Variants in DPYSL5 observed in about 807,000 individuals in gnomAD.
The protein encoded by DPYSL5 is dihydropyrimidinase like 5, also known as dihydropyrimidinase-related protein 5.
In DPYSL5, 9 loss-of-function variants were observed where a neutral mutation model predicts 58.4. That is an observed-to-expected ratio of 0.15 (90% CI 0.09 to 0.27). The LOEUF (loss-of-function observed/expected upper bound fraction) is 0.27. DPYSL5 is among the 10% of genes least tolerant of loss of function. The pLI is 1.00. For missense variants in DPYSL5, 499 were observed against 770.6 expected, an observed-to-expected ratio of 0.65 and a Z score of 4.17; for synonymous variants, 293 against 301.9, an observed-to-expected ratio of 0.97 and a Z score of 0.31.
rs916856911 is a variant in DPYSL5, at chr2:26,934,658, G to A, written c.871G>A (p.Ala291Thr). 4.3e-6 allele frequency: 7 copies of A among 1,614,110 alleles called. No homozygotes were observed. The highest frequency in any genetic ancestry group is 1.7e-5 in the Admixed American group (1 of 60,024). Reference sequence around the variant, plus strand: ...CTACTACCACCAGGACTGGTCCCACGCGGCTGCCTATGTCACGGTGCCTCC... The same window carrying A: ...CTACTACCACCAGGACTGGTCCCACACGGCTGCCTATGTCACGGTGCCTCC... Reference protein sequence around the residue: ...LHYYHQDWSHAAAYVTVPPLR... With the variant: ...LHYYHQDWSHTAAYVTVPPLR... Residue 291 changes from alanine to threonine, a missense_variant, in exon 8 of 13, where the codon GCG becomes ACG. Around this residue, in one of 3 missense-constraint regions of DPYSL5, gnomAD observed 404 missense variants for 647.6 expected, o/e 0.62. Transcript: ENST00000288699. This position sits in a 1 kb window ranked among gnomAD's most constrained non-coding sequence, Gnocchi z 4.3.
At chr2:26,937,791 C>A (rs930011949) in intron 8 of DPYSL5, among the ~76,000 whole-genome samples, 1 of 148,350 alleles carries the variant, frequency 6.7e-6, no homozygotes, top group Non-Finnish European at 1.5e-5. Flanking sequence ...GAGCCAGGGT[C>A]TCACTCTGTC....
chr2:26,883,690 C>T (rs1663632040), intron 1 of DPYSL5, among the ~76,000 whole-genome samples: 1 of 152,140 alleles, frequency 6.6e-6, no homozygotes, highest in Non-Finnish European at 1.5e-5. Flanking sequence ...TGAGCCACTG[C>T]ACCCAGCCTC....
intron 1 of DPYSL5, among the ~76,000 whole-genome samples, chr2:26,870,216 C>T (rs984073174): frequency 6.6e-6 from 1 of 152,086 alleles, no homozygotes; most frequent in Non-Finnish European, 1.5e-5. Context: ...TTTTTGGTAA[C>T]GTGTCTTTAT....
At position 26,924,969 on chromosome 2, in the gene DPYSL5, A is replaced by C; in HGVS notation, c.344A>C (p.Lys115Thr). The change falls in exon 3 of 13, where the codon AAG (lysine) becomes ACG (threonine). Residue 115 changes from lysine to threonine, a missense_variant. Coordinates refer to ENST00000288699, the MANE Select transcript of DPYSL5 (RefSeq NM_020134.4). This position sits in a 1 kb window ranked among gnomAD's most constrained non-coding sequence, Gnocchi z 4.7. ...KETSLVDAYE[K>T]CRGLADPKVC... ...ACCTCCCTTGTGGACGCTTATGAGA[A>C]GTGCCGAGGTCTGGCCGACCCCAAG... 6.2e-7 allele frequency: 1 copy of C among 1,614,160 alleles called. No homozygotes were observed. The highest frequency in any genetic ancestry group is 8.5e-7 in the Non-Finnish European group (1 of 1,180,012).
intron 1 of DPYSL5, among the ~76,000 whole-genome samples, chr2:26,887,301 G>T (rs1052460704): frequency 1.3e-5 from 2 of 152,142 alleles, no homozygotes; most frequent in Non-Finnish European, 2.9e-5. Context: ...ATGCAGGAAG[G>T]GTCCCCCTTG....
Position 26,924,090 on chromosome 2 carries a change from G to T in DPYSL5, c.262-797G>T, listed in dbSNP as rs1256014212. ...AAATTCACTTTTAAAAAGTTGAGTG[G>T]GGGAATCTCTAATACAGATTTAGTC... On this transcript the variant is annotated intron_variant, in intron 2 of 12. Transcript: ENST00000288699. The surrounding 1 kb of genome is among the most constrained non-coding windows in gnomAD (Gnocchi z 4.7). Among the ~76,000 whole-genome samples the T allele has an allele frequency of 1.3e-5, 2 of 152,162 alleles. No homozygotes were observed. Among genetic ancestry groups the T allele is most frequent in the Non-Finnish European group, 2.9e-5 (2 of 68,038 alleles).
chr2:26,872,417 C>T (rs1004557572), intron 1 of DPYSL5, among the ~76,000 whole-genome samples: 3 of 152,138 alleles, frequency 2.0e-5, no homozygotes, highest in Non-Finnish European at 4.4e-5. Flanking sequence ...ATGGGCCAGG[C>T]GCGGTGGCTC....
intron 4 of DPYSL5, 95 bp from the exon 5 acceptor site, chr2:26,928,160 G>T: frequency 1.6e-6 from 2 of 1,263,098 alleles, no homozygotes; most frequent in South Asian, 1.3e-5. Flanking sequence ...TGAAACAGGC[G>T]GTGTCTAGCA....
chr2:26,862,341 G>A (rs1008995079), intron 1 of DPYSL5, among the ~76,000 whole-genome samples: 10 of 152,180 alleles, frequency 6.6e-5, no homozygotes, highest in African/African-American at 1.2e-4. Context: ...CTTTCTTTTC[G>A]TGAATGTATC....
intron 2 of DPYSL5, among the ~76,000 whole-genome samples, chr2:26,919,031 G>A (rs572396631): frequency 1.2e-4 from 19 of 152,298 alleles, no homozygotes; most frequent in South Asian, 2.1e-4. Context: ...GGGCAGTCCT[G>A]TAGAAGATGG....
intron 1 of DPYSL5, among the ~76,000 whole-genome samples, chr2:26,882,457 ATGTG>A (rs1663598857): frequency 8.2e-6 from 1 of 121,532 alleles, no homozygotes; most frequent in East Asian, 2.3e-4. Context: ...GTGTGTGTGT[ATGTG>A]TGTGTAGACA....
At chr2:26,857,028 C>T (rs1365891264) in intron 1 of DPYSL5, among the ~76,000 whole-genome samples, 2 of 147,676 alleles carry the variant, frequency 1.4e-5, no homozygotes, top group East Asian at 1.9e-4. Flanking sequence ...AAGCGGTGTA[C>T]GTCTACCTTA....
At position 26,927,923 on chromosome 2, in the gene DPYSL5, G is replaced by A. The variant is rs567501875; in HGVS notation, c.601-332G>A. ...TTGCTGGAAGCTAGAGCTTAGTCTC[G>A]ATTTCCAGAGAGGGAATTCTGAGTT... On this transcript the variant is annotated intron_variant, in intron 4 of 12. Coordinates refer to ENST00000288699, the MANE Select transcript of DPYSL5 (RefSeq NM_020134.4). The surrounding 1 kb of genome is among the most constrained non-coding windows in gnomAD (Gnocchi z 4.3). Among the ~76,000 whole-genome samples, 2 of 152,306 alleles carry A rather than the reference G, an allele frequency of 1.3e-5. No individual in the cohort carries two copies. The highest frequency in any genetic ancestry group is 3.9e-4 in the East Asian group (2 of 5,186).
In DPYSL5 at chr2:26,944,537, G is replaced by C; in HGVS notation, c.1441-119G>C. 1 of 1,138,016 alleles carries C rather than the reference G, an allele frequency of 8.8e-7. No individual in the cohort carries two copies. Among genetic ancestry groups the C allele is most frequent in the South Asian group, 1.5e-5 (1 of 65,102 alleles). The allele number at this position is 1,138,016 out of a possible 1,614,324, so 70.5% of individuals were successfully genotyped here. ...AAGCCTTGGTCACTTGCAGTGATTT[G>C]GGTCTTGGGCAGAGTGGCAGTGTCT... On this transcript the variant is annotated intron_variant, in intron 11 of 12. Transcript: ENST00000288699. The surrounding 1 kb of genome is among the most constrained non-coding windows in gnomAD (Gnocchi z 4.4).
At chr2:26,885,299 C>A (rs1663689478) in intron 1 of DPYSL5, among the ~76,000 whole-genome samples, 1 of 152,188 alleles carries the variant, frequency 6.6e-6, no homozygotes, top group Admixed American at 6.5e-5. Context: ...TATTTCCCTC[C>A]CCGTACCCAC....
At position 26,947,422 on chromosome 2, in the gene DPYSL5, C is replaced by G. The variant is rs907788186; in HGVS notation, c.*427C>G. 7.5e-5 allele frequency: 12 copies of G among 159,520 alleles called. No homozygotes were observed. The highest frequency in any genetic ancestry group is 6.4e-3 in the Middle Eastern group (2 of 314). 9.9% of individuals were successfully genotyped at this position (159,520 alleles called of 1,614,324 possible). A position where few individuals can be genotyped will look rare whatever the true frequency, so the allele number is the denominator to read the frequency against. On this transcript the variant is annotated 3_prime_UTR_variant, in exon 13 of 13. Coordinates refer to ENST00000288699, the MANE Select transcript of DPYSL5 (RefSeq NM_020134.4). This position sits in a 1 kb window ranked among gnomAD's most constrained non-coding sequence, Gnocchi z 4.2. ...TGTGGTTTCAAAGTAAAGGCCTCCT[C>G]CCCCACCCCTTAGGCCCCGTGGTGA...
intron 2 of DPYSL5, among the ~76,000 whole-genome samples, chr2:26,901,777 C>T (rs967216553): frequency 5.4e-5 from 8 of 149,070 alleles, no homozygotes; most frequent in African/African-American, 1.7e-4. Flanking sequence ...ACCCCCGCCC[C>T]GCCCCACCCC....
At chr2:26,890,523 C>G (rs1310936247) in intron 1 of DPYSL5, among the ~76,000 whole-genome samples, 2 of 152,140 alleles carry the variant, frequency 1.3e-5, no homozygotes, top group African/African-American at 4.8e-5. Flanking sequence ...CGACAGCAGC[C>G]CACGTGGAAA....
intron 2 of DPYSL5, among the ~76,000 whole-genome samples, chr2:26,917,082 C>T (rs866126148): frequency 1.1e-4 from 16 of 152,148 alleles, no homozygotes; most frequent in African/African-American, 3.1e-4. Flanking sequence ...TTACTATCTC[C>T]GTTTTACAAA....
Sources: gnomAD v4.1 joint callset for allele counts (sites outside exome capture counted in the v4.1 genomes callset) on GRCh38, gnomAD v4.1.1 for gene constraint, gnomAD v4.1.1 regional missense constraint, Gnocchi (gnomAD v3.1) non-coding constraint, MANE v1.5 for transcripts, NCBI Gene and HGNC (gene_info 2026-07-23, HGNC 2026-07-21) for gene names.